TNS1: variants seen among roughly 807,000 people sequenced by gnomAD.
TNS1 encodes the protein tensin-1.
In TNS1, 62 loss-of-function variants were observed where a neutral mutation model predicts 168.6. The ratio of observed to expected loss-of-function variants is 0.37; its 90% CI spans 0.30 to 0.45. The LOEUF is 0.45. Among genes scored for constraint, TNS1 ranks in the 20% least tolerant of loss-of-function variants. TNS1 has a pLI of 1.00. For synonymous variants in TNS1, 934 were observed against 933.2 expected (o/e 1.00, Z -0.02); for missense variants, 2,240 against 2,339.4 (o/e 0.96, Z 0.88).
chr2:217,921,755 A>G (rs1955716688), intron 3 of TNS1, among the ~76,000 whole-genome samples: 1 of 152,196 alleles, frequency 6.6e-6, no homozygotes, highest in Non-Finnish European at 1.5e-5. Context: ...CAACAACAAT[A>G]ATACCCAATA....
At chr2:217,849,123 A>G (rs1297323813) in intron 18 of TNS1, 36 bp from the exon 19 acceptor site, 1 of 1,581,652 alleles carries the variant, frequency 6.3e-7, no homozygotes, top group Admixed American at 1.7e-5. Context: ...GACAACAGAC[A>G]ACAGACATTA....
intron 3 of TNS1, among the ~76,000 whole-genome samples, chr2:217,973,668 G>T (rs111499966): frequency 0.018 from 2,786 of 152,248 alleles, 95 homozygotes; most frequent in African/African-American, 0.061. Flanking sequence ...CACATCGAAG[G>T]CCCCTATGCC....
At chr2:217,996,479 C>T (rs1958473040) in intron 1 of TNS1, among the ~76,000 whole-genome samples, 1 of 152,148 alleles carries the variant, frequency 6.6e-6, no homozygotes, top group Admixed American at 6.5e-5. Context: ...TCCAACCCCA[C>T]TTCACCTTTA....
chr2:218,010,293 C>A, exon 1 of TNS1: 1 of 397,412 alleles, frequency 2.5e-6, no homozygotes, highest in East Asian at 3.6e-5. Context: ...GGTAGGAAGG[C>A]GGGCGCCCTG....
intron 18 of TNS1, among the ~76,000 whole-genome samples, chr2:217,854,334 T>C (rs1054256352): frequency 2.0e-5 from 3 of 152,198 alleles, no homozygotes; most frequent in Non-Finnish European, 2.9e-5. Context: ...GTCACCTTCA[T>C]TGGCAATGAC....
chr2:218,010,752 A>T (rs930517590), upstream of TNS1, among the ~76,000 whole-genome samples: 1 of 151,982 alleles, frequency 6.6e-6, no homozygotes, highest in African/African-American at 2.4e-5. Context: ...TGCGTGTGTG[A>T]GTGAATGCGG....
chr2:218,025,092 C>A (rs1351314654), intron 1 of TNS1, among the ~76,000 whole-genome samples: 1 of 152,148 alleles, frequency 6.6e-6, no homozygotes, highest in Admixed American at 6.5e-5. Context: ...GCTTGGGTCA[C>A]CCCTACCCAC....
chr2:217,862,587 A>C (rs948772962), intron 18 of TNS1, among the ~76,000 whole-genome samples: 40 of 152,226 alleles, frequency 2.6e-4, no homozygotes, highest in South Asian at 8.3e-4. Flanking sequence ...AATTTCCTAG[A>C]ATCCCCGCAT....
At position 217,880,961 on chromosome 2, in the gene TNS1, C is replaced by T. The variant is rs1260877302; in HGVS notation, c.1366G>A (p.Asp456Asn). 3 of 1,613,918 alleles carry T rather than the reference C, an allele frequency of 1.9e-6. No individual in the cohort carries two copies. The highest frequency in any genetic ancestry group is 1.7e-5 in the Admixed American group (1 of 59,988). ...TAGGAGTCCCAGCGGATGAGGGGGT[C>T]GGAGGTGTTATAGTCCACAGACACG... ...PSVSVDYNTSDPLIRWDSYDN... is the reference protein window; with the variant it reads ...PSVSVDYNTSNPLIRWDSYDN... Residue 456 changes from aspartate (D) to asparagine (N), a missense_variant, in exon 18 of 33, where the codon GAC (aspartate) becomes AAC (asparagine). By Grantham distance (23) the Asp-to-Asn change is conservative (BLOSUM62 1). Coordinates refer to ENST00000682258, the MANE Select transcript of TNS1 (RefSeq NM_001387777.1). The surrounding 1 kb of genome is among the most constrained non-coding windows in gnomAD (Gnocchi z 4.2).
chr2:217,955,206 G>C (rs995134164), intron 3 of TNS1, among the ~76,000 whole-genome samples: 2 of 152,198 alleles, frequency 1.3e-5, no homozygotes, highest in African/African-American at 4.8e-5. Flanking sequence ...TCTCACCCCC[G>C]TGGGTTCCAC....
At position 217,809,871 on chromosome 2, in the gene TNS1, T is replaced by A; in HGVS notation, c.5225A>T (p.His1742Leu). The A allele has an allele frequency of 2.5e-6, 4 of 1,614,068 alleles. No homozygotes were observed. Among genetic ancestry groups the A allele is most frequent in the Non-Finnish European group, 3.4e-6 (4 of 1,180,010 alleles). Residue 1742 changes from histidine (H) to leucine (L), a missense_variant, in exon 30 of 33, where the codon CAC becomes CTC. By Grantham distance (99) the His-to-Leu change is moderately conservative. Transcript: ENST00000682258. ...ADPTPAATIV[H>L]FKVSAQGITL... is the part of the protein sequence containing the mutation. ...GATTCCCTGGGCAGAGACTTTGAAG[T>A]GAACGATGGTGGCAGCTGGCGTGGG...
Position 217,815,148 on chromosome 2 carries a change from A to C in TNS1, c.4643-150T>G, listed in dbSNP as rs1941682160. The C allele has an allele frequency of 9.3e-6, 6 of 646,612 alleles. No homozygotes were observed. In the Admixed American group the frequency reaches 1.4e-4, roughly 15 times the overall value. 40.1% of individuals were successfully genotyped at this position (646,612 alleles called of 1,614,324 possible). ...TAGACAAATTAAGATGAGGTCACACAGGATTAGGGTGAGCCTTAATCCAGT... is the reference window on the plus strand; with the variant it reads ...TAGACAAATTAAGATGAGGTCACACCGGATTAGGGTGAGCCTTAATCCAGT... On this transcript the variant is annotated intron_variant, in intron 24 of 32. Coordinates refer to ENST00000682258, the MANE Select transcript of TNS1 (RefSeq NM_001387777.1).
At chr2:218,000,315 CAAGAACTA>C (rs1175653499) in intron 1 of TNS1, among the ~76,000 whole-genome samples, 1 of 152,214 alleles carries the variant, frequency 6.6e-6, no homozygotes, top group Non-Finnish European at 1.5e-5. Flanking sequence ...CTCTAGGGCA[CAAGAACTA>C]TCTCAGTCAC....
At chr2:217,915,842 G>C (rs1221745917) in intron 4 of TNS1, among the ~76,000 whole-genome samples, 1 of 152,212 alleles carries the variant, frequency 6.6e-6, no homozygotes, top group Non-Finnish European at 1.5e-5. Flanking sequence ...GTGGGCTTGG[G>C]CCTGCCAGGC....
chr2:217,848,184 T>C lies in TNS1; in HGVS notation c.2333A>G (p.Gln778Arg), dbSNP rs1368258123. The change falls in exon 19 of 33, where the codon CAG (glutamine) becomes CGG (arginine). Residue 778 changes from glutamine (Q) to arginine (R), a missense_variant. Physicochemically the swap from Gln to Arg is conservative, Grantham distance 43. Around this residue, in one of 2 missense-constraint regions of TNS1, gnomAD observed 2,131 missense variants for 2,171.2 expected, o/e 0.98. Coordinates refer to ENST00000682258, the MANE Select transcript of TNS1 (RefSeq NM_001387777.1). The stretch of plus-strand genomic sequence containing the variant: ...GCGAGGCTGCTGCTGCTGCTGCTGC[T>C]GCTGCTGCCACGAATTCAGTCCCCT... ...VQRGLNSWQQQQQQQQQPRPP... is the reference protein window; with the variant it reads ...VQRGLNSWQQRQQQQQQPRPP... 2 of 1,604,746 alleles carry C rather than the reference T, an allele frequency of 1.2e-6. No individual in the cohort carries two copies. Among genetic ancestry groups the C allele is most frequent in the African/African-American group, 1.3e-5 (1 of 74,736 alleles).
At chr2:217,910,955 C>G (rs1473242773) in intron 4 of TNS1, among the ~76,000 whole-genome samples, 4 of 152,152 alleles carry the variant, frequency 2.6e-5, no homozygotes, top group African/African-American at 9.7e-5. Flanking sequence ...CCAGGCTCAT[C>G]TCACTGCCCT....
chr2:218,033,874 C>T lies in TNS1; in HGVS notation c.102G>A (p.Glu34=), dbSNP rs1042026731. The change falls in exon 1 of 2, where the codon GAG becomes GAA. Residue 34 remains glutamate, a synonymous_variant. Transcript: ENST00000649572. The surrounding 1 kb of genome is among the most constrained non-coding windows in gnomAD (Gnocchi z 4.3). Reference sequence around the variant, plus strand: ...AGGCCAAACCCCCGGACTCCCAGCACTCAGCCCGCGCCGAGACCCAGGGAC... The same window carrying T: ...AGGCCAAACCCCCGGACTCCCAGCATTCAGCCCGCGCCGAGACCCAGGGAC... Among the ~76,000 whole-genome samples the T allele has an allele frequency of 6.6e-6, 1 of 152,246 alleles. No individual in the cohort carries two copies. Among genetic ancestry groups the T allele is most frequent in the Non-Finnish European group, 1.5e-5 (1 of 68,038 alleles).
intron 19 of TNS1, chr2:217,842,229 C>T: frequency 3.2e-6 from 2 of 627,966 alleles, no homozygotes; most frequent in Non-Finnish European, 5.7e-6. Flanking sequence ...TACACGTCAA[C>T]AATTCCCATA....
At chr2:217,873,176 G>T (rs958489192) in intron 18 of TNS1, among the ~76,000 whole-genome samples, 1 of 152,116 alleles carries the variant, frequency 6.6e-6, no homozygotes, top group Non-Finnish European at 1.5e-5. Context: ...GTGAAGTTGT[G>T]GTATTAAATT....
Sources: allele counts gnomAD v4.1 joint callset (sites outside exome capture counted in the v4.1 genomes callset), GRCh38; gene constraint gnomAD v4.1.1; regional missense constraint gnomAD v4.1.1; non-coding constraint Gnocchi (gnomAD v3.1); transcripts MANE v1.5; gene names NCBI Gene and HGNC (gene_info 2026-07-23, HGNC 2026-07-21).